The following ABI2 variants were observed in gnomAD, a reference collection of about 807,000 sequenced individuals.
ABI2 encodes abelson interactor 2.
Under a neutral mutation model 59.2 loss-of-function variants are expected in ABI2, and 25 were observed. That is an observed-to-expected ratio of 0.42 (90% CI 0.31 to 0.59). The LOEUF is 0.59. Among genes scored for constraint, ABI2 ranks in the 20% least tolerant of loss-of-function variants. The probability of loss-of-function intolerance (pLI) is 0.14; values close to 1 mark genes in which losing one functional copy is unlikely to be tolerated. For missense variants in ABI2, 545 were observed against 681.8 expected (o/e 0.80, Z 2.23); for synonymous variants, 213 against 235.5 (o/e 0.90, Z 0.87).
intron 1 of ABI2, among the ~76,000 whole-genome samples, chr2:203,359,462 T>G (rs1576865795): frequency 1.3e-5 from 2 of 152,312 alleles, no homozygotes; most frequent in Admixed American, 1.3e-4. Flanking sequence ...AATCAATATT[T>G]TTAAAATCTG....
rs1400759136 is a variant in ABI2 at position 203,328,596 on chromosome 2, C to T, written c.82C>T (p.Arg28Trp). Residue 28 changes from arginine to tryptophan, a missense_variant, in exon 1 of 12, where the codon CGG (arginine) becomes TGG (tryptophan). Physicochemically the swap from Arg to Trp is moderately radical, Grantham distance 101 (BLOSUM62 -3). Coordinates refer to ENST00000261018, the MANE Select transcript of ABI2 (RefSeq NM_001375670.1). ...ALFDSYTNLE[R>W]VADYCENNYI... ...CTTCGACAGCTACACAAATCTGGAACGGGTGGCCGATTACTGCGAGAACAA... is the reference window on the plus strand; with the variant it reads ...CTTCGACAGCTACACAAATCTGGAATGGGTGGCCGATTACTGCGAGAACAA... 4 of 1,603,346 alleles carry T rather than the reference C, an allele frequency of 2.5e-6. No individual in the cohort carries two copies. Among genetic ancestry groups the T allele is most frequent in the Non-Finnish European group, 3.4e-6 (4 of 1,175,266 alleles).
intron 11 of ABI2, among the ~76,000 whole-genome samples, chr2:203,423,194 A>AT (rs1340322042): frequency 1.3e-5 from 2 of 151,982 alleles, no homozygotes; most frequent in African/African-American, 4.8e-5. Flanking sequence ...TATCACCTTA[A>AT]TTTTTCCCCC....
At chr2:203,398,131 A>C (rs1331540443) in intron 8 of ABI2, among the ~76,000 whole-genome samples, 1 of 152,254 alleles carries the variant, frequency 6.6e-6, no homozygotes, top group African/African-American at 2.4e-5. Context: ...ATGTTTTAAA[A>C]GACACTTTTA....
At chr2:203,357,976 C>T (rs1025173896) in intron 1 of ABI2, among the ~76,000 whole-genome samples, 1 of 151,336 alleles carries the variant, frequency 6.6e-6, no homozygotes, top group East Asian at 2.0e-4. Context: ...ACCATATTGA[C>T]CAGGCTGTCT....
At position 203,376,013 on chromosome 2, in the gene ABI2, T is replaced by C. The variant is rs753127911; in HGVS notation, c.286-4195T>C. 1.0e-5 allele frequency: 14 copies of C among 1,358,096 alleles called. No individual in the cohort carries two copies. In the South Asian group the frequency reaches 1.4e-4, roughly 14 times the overall value. 84.1% of individuals were successfully genotyped at this position (1,358,096 alleles called of 1,614,324 possible). ...CGTTGTTAGATTACCTTTATTATTA[T>C]AGATGTTTTTTAAAAGTTATTTACT... On this transcript the variant is annotated intron_variant, in intron 2 of 11. Coordinates refer to ENST00000261018, the MANE Select transcript of ABI2 (RefSeq NM_001375670.1).
At chr2:203,403,892 C>A (rs1042035432) in intron 9 of ABI2, among the ~76,000 whole-genome samples, 9 of 151,768 alleles carry the variant, frequency 5.9e-5, no homozygotes, top group African/African-American at 2.2e-4. Context: ...GCTGGGATTA[C>A]AGGCACCCAC....
Position 203,416,973 on chromosome 2 carries a change from C to T in ABI2, c.1345C>T (p.Pro449Ser). The T allele has an allele frequency of 1.2e-6, 2 of 1,614,136 alleles. No individual in the cohort carries two copies. The highest frequency in any genetic ancestry group is 1.1e-5 in the South Asian group (1 of 91,056). ...EPVFDESPPP[P>S]PPPEDYEEEE... ...AGTCTTTGATGAGTCTCCCCCACCT[C>T]CTCCTCCTCCAGAAGATTACGAAGA... Residue 449 changes from proline to serine, a missense_variant, in exon 11 of 12, where the codon CCT becomes TCT. This residue lies in a region of ABI2 where 410 missense variants were observed against 435.6 expected (regional missense o/e 0.94). Coordinates refer to ENST00000261018, the MANE Select transcript of ABI2 (RefSeq NM_001375670.1).
At chr2:203,358,455 T>C (rs1374539451) in intron 1 of ABI2, among the ~76,000 whole-genome samples, 2 of 152,296 alleles carry the variant, frequency 1.3e-5, no homozygotes, top group South Asian at 2.1e-4. Context: ...GCCAGAAATG[T>C]AGTTTGAACA....
intron 1 of ABI2, among the ~76,000 whole-genome samples, chr2:203,351,060 T>C (rs1460261747): frequency 6.6e-6 from 1 of 152,178 alleles, no homozygotes; most frequent in Non-Finnish European, 1.5e-5. Context: ...ATATTTACTC[T>C]TTTGCATGTC....
intron 1 of ABI2, among the ~76,000 whole-genome samples, chr2:203,351,088 A>C (rs2152744621): frequency 6.6e-6 from 1 of 152,246 alleles, no homozygotes; most frequent in South Asian, 2.1e-4. Flanking sequence ...AGTTGACCCA[A>C]CACCATTTGT....
chr2:203,338,939 T>TATATATATATATATATAA (rs2077893213), intron 1 of ABI2, among the ~76,000 whole-genome samples: 1 of 5,042 alleles, frequency 2.0e-4, no homozygotes, highest in Non-Finnish European at 7.0e-4. Flanking sequence ...TATATGTATA[T>TATATATATATATATATAA]ATATATATAT....
chr2:203,375,384 A>G (rs926402925), intron 2 of ABI2, among the ~76,000 whole-genome samples: 1 of 152,190 alleles, frequency 6.6e-6, no homozygotes, highest in African/African-American at 2.4e-5. Context: ...TCTCTTCTAA[A>G]TAAGTAGGTT....
intron 1 of ABI2, among the ~76,000 whole-genome samples, chr2:203,361,568 A>T (rs1436714142): frequency 6.6e-6 from 1 of 152,182 alleles, no homozygotes; most frequent in Non-Finnish European, 1.5e-5. Flanking sequence ...TGTAGGAGAC[A>T]GTATAGAAGT....
chr2:203,346,358 A>G (rs576181746), intron 1 of ABI2, among the ~76,000 whole-genome samples: 8 of 152,140 alleles, frequency 5.3e-5, no homozygotes, highest in Non-Finnish European at 1.2e-4. Flanking sequence ...GTTTGTTTGT[A>G]TATTAGAGGA....
At chr2:203,408,818 G>A (rs923723769) in intron 9 of ABI2, among the ~76,000 whole-genome samples, 3 of 133,766 alleles carry the variant, frequency 2.2e-5, no homozygotes, top group African/African-American at 8.0e-5. Flanking sequence ...TTTTGTCTAT[G>A]CTACCTTCTC....
At chr2:203,367,255 TTTTA>T (rs1232413400) in intron 2 of ABI2, 1 of 593,378 alleles carries the variant, frequency 1.7e-6, no homozygotes, top group Non-Finnish European at 2.4e-6. Context: ...TCGTAATGAA[TTTTA>T]TTAAAACTCA....
At chr2:203,337,609 A>G (rs764888742) in intron 1 of ABI2, among the ~76,000 whole-genome samples, 6 of 152,370 alleles carry the variant, frequency 3.9e-5, no homozygotes, top group Middle Eastern at 3.4e-3. Flanking sequence ...CAATATTCCA[A>G]TGGTATTTTT....
intron 1 of ABI2, among the ~76,000 whole-genome samples, chr2:203,338,983 A>AAAGATATAT (rs2078182989): frequency 8.1e-5 from 1 of 12,356 alleles, no homozygotes; most frequent in African/African-American, 2.6e-4. Context: ...TATATATATA[A>AAAGATATAT]ATATATATAT....
chr2:203,417,254 T>A (rs2097933563), intron 11 of ABI2, among the ~76,000 whole-genome samples, 173 bp downstream of exon 11: 1 of 152,216 alleles, frequency 6.6e-6, no homozygotes, highest in Non-Finnish European at 1.5e-5. Context: ...CTAGTAAAAT[T>A]CTGTGAATAT....
Sources: allele counts gnomAD v4.1 joint callset (sites outside exome capture counted in the v4.1 genomes callset), GRCh38; gene constraint gnomAD v4.1.1; regional missense constraint gnomAD v4.1.1; transcripts MANE v1.5; gene names NCBI Gene and HGNC (gene_info 2026-07-23, HGNC 2026-07-21).